The following XNDC1N variants were observed in gnomAD, a reference collection of about 807,000 sequenced individuals.
The protein encoded by XNDC1N is protein XNDC1N.
the XNDC1N span, chr11:71,928,354 A>G: frequency 1.6e-6 from 1 of 644,084 alleles, no homozygotes; most frequent in Non-Finnish European, 2.8e-6. Context: ...ACAAATCCCA[A>G]CGCCCCTCAC....
At chr11:71,917,363 A>G in the XNDC1N span, 1 of 612,414 alleles carries the variant, frequency 1.6e-6, no homozygotes, top group Non-Finnish European at 2.9e-6. Context: ...ATTGGGCCCT[A>G]CCGAACCACA....
chr11:71,878,296 C>A, the XNDC1N span, among the ~76,000 whole-genome samples: 2 of 152,160 alleles, frequency 1.3e-5, no homozygotes, highest in Non-Finnish European at 2.9e-5. Context: ...TGCATGCTGT[C>A]TCCTGATATA....
chr11:71,896,139 C>T, the XNDC1N span, among the ~76,000 whole-genome samples: 6 of 152,252 alleles, frequency 3.9e-5, no homozygotes, highest in Admixed American at 1.3e-4. Flanking sequence ...ATGAGTCGGG[C>T]GTGGTGACCT....
At chr11:71,874,136 G>A in the XNDC1N span, among the ~76,000 whole-genome samples, 10 of 152,170 alleles carry the variant, frequency 6.6e-5, no homozygotes, top group Admixed American at 2.6e-4. Flanking sequence ...CCAACATGGC[G>A]AAACTCCATC....
chr11:71,891,078 C>A, the XNDC1N span, among the ~76,000 whole-genome samples: 3 of 151,882 alleles, frequency 2.0e-5, no homozygotes, highest in Admixed American at 2.0e-4. Context: ...CTGTGATATT[C>A]AACGTAACCT....
At chr11:71,926,384 T>C in the XNDC1N span, among the ~76,000 whole-genome samples, 3 of 152,228 alleles carry the variant, frequency 2.0e-5, no homozygotes, top group Admixed American at 2.0e-4. Flanking sequence ...TTACAAAAAC[T>C]GTTGCTGCCA....
the XNDC1N span, among the ~76,000 whole-genome samples, chr11:71,871,025 T>G: frequency 6.6e-6 from 1 of 152,358 alleles, no homozygotes; most frequent in South Asian, 2.1e-4. Context: ...ATCTCACATC[T>G]GGGTATTTAC....
the XNDC1N span, among the ~76,000 whole-genome samples, chr11:71,897,422 G>A: frequency 0.026 from 4,020 of 152,252 alleles, 171 homozygotes; most frequent in African/African-American, 0.092. Flanking sequence ...GTCAGAAGAC[G>A]CGAGTAGACG....
the XNDC1N span, among the ~76,000 whole-genome samples, chr11:71,891,661 G>C: frequency 6.6e-6 from 1 of 151,840 alleles, no homozygotes. Flanking sequence ...CAGGGGTGCT[G>C]TACAATTACT....
At chr11:71,928,474 C>CTCTTCCG in the XNDC1N span, 2 of 702,510 alleles carry the variant, frequency 2.8e-6, no homozygotes, top group Non-Finnish European at 5.2e-6. Context: ...CCGAGAGCTA[C>CTCTTCCG]TCTTCCGTCT....
At chr11:71,894,746 T>C in the XNDC1N span, among the ~76,000 whole-genome samples, 2 of 152,348 alleles carry the variant, frequency 1.3e-5, no homozygotes, top group South Asian at 4.1e-4. Flanking sequence ...AAACTGACTT[T>C]ATGGAAACAA....
At chr11:71,912,767 G>A in the XNDC1N span, among the ~76,000 whole-genome samples, 16 of 152,144 alleles carry the variant, frequency 1.1e-4, no homozygotes, top group East Asian at 1.9e-4. Flanking sequence ...CAGACCCTGC[G>A]ACCTTTGCTG....
chr11:71,889,244 G>C, the XNDC1N span, among the ~76,000 whole-genome samples: 1 of 152,218 alleles, frequency 6.6e-6, no homozygotes, highest in Admixed American at 6.5e-5. Context: ...TTGAATTCTA[G>C]GGAAGAGACA....
chr11:71,893,619 C>T, the XNDC1N span: 36 of 1,069,998 alleles, frequency 3.4e-5, no homozygotes, highest in African/African-American at 4.9e-4. Context: ...TGGCTGTCAG[C>T]TCTGACTCCC....
chr11:71,878,605 C>G, the XNDC1N span: 1 of 1,283,530 alleles, frequency 7.8e-7, no homozygotes, highest in Admixed American at 2.1e-5. Flanking sequence ...TAGGCATGGG[C>G]AGATTTTACT....
the XNDC1N span, chr11:71,865,740 C>T: frequency 1.3e-4 from 49 of 391,766 alleles, no homozygotes; most frequent in African/African-American, 9.2e-4. Context: ...TGTGTCTGAT[C>T]TCCAGCACTG....
the XNDC1N span, among the ~76,000 whole-genome samples, chr11:71,884,916 T>C: frequency 6.7e-6 from 1 of 148,898 alleles, no homozygotes; most frequent in African/African-American, 2.5e-5. Context: ...CTTGCCCCTC[T>C]GACTCTTAGG....
chr11:71,887,689 G>C, the XNDC1N span, among the ~76,000 whole-genome samples: 1 of 152,288 alleles, frequency 6.6e-6, no homozygotes, highest in East Asian at 1.9e-4. Flanking sequence ...TTCCTTGTCG[G>C]TCTCCATGGA....
the XNDC1N span, chr11:71,865,862 C>CA: frequency 4.6e-6 from 2 of 439,048 alleles, no homozygotes; most frequent in East Asian, 7.2e-5. Context: ...CACCTGTGAG[C>CA]AAAAAATAAG....
Sources: allele counts gnomAD v4.1 joint callset (sites outside exome capture counted in the v4.1 genomes callset), GRCh38; gene constraint gnomAD v4.1.1; transcripts MANE v1.5; gene names NCBI Gene and HGNC (gene_info 2026-07-23, HGNC 2026-07-21).